Variants in KCNK17 observed in about 807,000 individuals in gnomAD.
The protein encoded by KCNK17 is potassium two pore domain channel subfamily K member 17, also known as potassium channel subfamily K member 17.
In KCNK17, 27 loss-of-function variants were observed where a neutral mutation model predicts 24.6. That is an observed-to-expected ratio of 1.10 (90% CI 0.81 to 1.51). The LOEUF (loss-of-function observed/expected upper bound fraction) is 1.51, where lower values mean the gene tolerates loss of function less well. Among genes scored for constraint, KCNK17 ranks in the 40% most tolerant of loss-of-function variants. KCNK17 has a pLI of 0.00. For missense variants in KCNK17, 450 were observed against 436.6 expected (o/e 1.03, Z -0.27); for synonymous variants, 181 against 189.8 (o/e 0.95, Z 0.38).
chr6:39,314,352 C>G lies in KCNK17; in HGVS notation c.-32G>C. ...AGAGGCGGGGAGCCGGCGCCGGGAG[C>G]GGTGGACTAGGACCCGGTGGGAGGG... On this transcript the variant is annotated 5_prime_UTR_variant, in exon 1 of 5. Transcript: ENST00000373231. 1.5e-6 allele frequency: 2 copies of G among 1,362,792 alleles called. No individual in the cohort carries two copies. The highest frequency in any genetic ancestry group is 1.9e-6 in the Non-Finnish European group (2 of 1,052,512). 84.4% of individuals were successfully genotyped at this position (1,362,792 alleles called of 1,614,324 possible).
At chr6:39,300,501 C>A in intron 4 of KCNK17, 1 of 1,551,234 alleles carries the variant, frequency 6.4e-7, no homozygotes, top group Non-Finnish European at 8.7e-7. Context: ...TTGGTTTTCT[C>A]GTATCTGAAA....
chr6:39,311,072 GCACACACACACACACACACA>G (rs59086835), intron 1 of KCNK17, 65 bp from the exon 2 acceptor site: 8,941 of 517,646 alleles, frequency 0.017, 63 homozygotes, highest in Middle Eastern at 0.044. Context: ...ACCCCAAGAT[GCACACACACACACACACACA>G]CACACACACA....
At chr6:39,312,383 G>C (rs1425965454) in intron 1 of KCNK17, among the ~76,000 whole-genome samples, 3 of 152,116 alleles carry the variant, frequency 2.0e-5, no homozygotes, top group African/African-American at 7.2e-5. Flanking sequence ...GTGAGGTGGG[G>C]GTGGAGGGAG....
At position 39,304,121 on chromosome 6, in the gene KCNK17, T is replaced by A. The variant is rs139594353; in HGVS notation, c.524A>T (p.Lys175Met). The A allele has an allele frequency of 3.3e-5, 53 of 1,608,282 alleles. No homozygotes were observed. In the African/African-American group the frequency reaches 5.7e-4, roughly 17 times the overall value. ...GCCAGAGCCCGCCAGCCACCGCGCC[T>A]TGTCAGGATCCTGTGGGTGCAACAT... ...RLGGTWQDPD[K>M]ARWLAGSGAL... Residue 175 changes from lysine (K) to methionine (M), a missense_variant, in exon 4 of 5, where the codon AAG becomes ATG. Lys to Met is a moderately conservative substitution (Grantham distance 95, BLOSUM62 -1). Coordinates refer to ENST00000373231, the MANE Select transcript of KCNK17 (RefSeq NM_031460.4).
At chr6:39,308,783 C>T (rs1762079484) in intron 2 of KCNK17, among the ~76,000 whole-genome samples, 1 of 152,194 alleles carries the variant, frequency 6.6e-6, no homozygotes. Context: ...GAAGAGGCTG[C>T]CCTCTGCTGA....
chr6:39,304,270 C>A, intron 3 of KCNK17, 139 bp from the exon 4 acceptor site: 1 of 899,936 alleles, frequency 1.1e-6, no homozygotes, highest in Non-Finnish European at 1.7e-6. Flanking sequence ...GGTTCCCTGC[C>A]TGGAGCCTGT....
At chr6:39,304,400 T>C in intron 3 of KCNK17, 95 bp downstream of exon 3, 1 of 1,157,684 alleles carries the variant, frequency 8.6e-7, no homozygotes. Context: ...CCAGTAACAC[T>C]TGCTCCCACC....
chr6:39,301,406 T>C (rs1247278460), intron 4 of KCNK17, among the ~76,000 whole-genome samples: 1 of 152,166 alleles, frequency 6.6e-6, no homozygotes, highest in Non-Finnish European at 1.5e-5. Context: ...TGGGCCCCTC[T>C]CTAGGACCCC....
At chr6:39,302,594 A>G (rs1343345359) in intron 4 of KCNK17, among the ~76,000 whole-genome samples, 1 of 152,178 alleles carries the variant, frequency 6.6e-6, no homozygotes. Context: ...CTGTGCAGCT[A>G]TATGCAACAA....
rs1172212340 is a variant in KCNK17 at position 39,304,266 on chromosome 6, CT to C, written c.514-136del. 3.9e-5 allele frequency: 35 copies of C among 901,230 alleles called. No homozygotes were observed. The Admixed American group carries it at 8.7e-4, about 22-fold the overall frequency. The allele number at this position is 901,230 out of a possible 1,614,324, so 55.8% of individuals were successfully genotyped here. A position where few individuals can be genotyped will look rare whatever the true frequency, so the allele number is the denominator to read the frequency against. On this transcript the variant is annotated intron_variant, in intron 3 of 4. Transcript: ENST00000373231. ...ACCTGGTCTGTGTTCTCCAGGTTCC[CT>C]GCCTGGAGCCTGTGCCTCATGTCCT...
chr6:39,299,191 C>T lies in KCNK17; in HGVS notation c.*236G>A. 1.9e-6 allele frequency: 1 copy of T among 517,778 alleles called. No homozygotes were observed. The highest frequency in any genetic ancestry group is 2.5e-5 in the South Asian group (1 of 39,294). The allele number at this position is 517,778 out of a possible 1,614,324, so 32.1% of individuals were successfully genotyped here. The stretch of plus-strand genomic sequence containing the variant: ...CCCAGCCATCATATCGGCGGCATTG[C>T]AGCCCGCTAAAGTAAGGAAGTGGGG... On this transcript the variant is annotated 3_prime_UTR_variant, in exon 5 of 5. Coordinates refer to ENST00000373231, the MANE Select transcript of KCNK17 (RefSeq NM_031460.4).
At chr6:39,306,833 C>A (rs1456601046) in intron 2 of KCNK17, among the ~76,000 whole-genome samples, 1 of 149,744 alleles carries the variant, frequency 6.7e-6, no homozygotes, top group East Asian at 2.0e-4. Context: ...GGCGCGATCT[C>A]GGCTCATTGC....
chr6:39,304,244 T>C, intron 3 of KCNK17, 113 bp from the exon 4 acceptor site: 2 of 1,055,788 alleles, frequency 1.9e-6, no homozygotes, highest in Non-Finnish European at 2.7e-6. Context: ...GCTCTTCACC[T>C]GGTCTGTGTT....
At chr6:39,299,860 A>G (rs994484562) in intron 4 of KCNK17, 123 bp from the exon 5 acceptor site, 16 of 997,376 alleles carry the variant, frequency 1.6e-5, no homozygotes, top group Non-Finnish European at 2.1e-5. Flanking sequence ...GGGACAGAAC[A>G]TGGAGACTCC....
intron 1 of KCNK17, among the ~76,000 whole-genome samples, chr6:39,313,158 C>T (rs1319830959): frequency 2.0e-5 from 3 of 152,220 alleles, no homozygotes; most frequent in Non-Finnish European, 4.4e-5. Context: ...ATCAATGCCT[C>T]CGCCAAATCG....
At chr6:39,305,414 C>A (rs916759110) in intron 2 of KCNK17, among the ~76,000 whole-genome samples, 1 of 152,126 alleles carries the variant, frequency 6.6e-6, no homozygotes, top group Non-Finnish European at 1.5e-5. Flanking sequence ...CAAACTAGCA[C>A]AACGGGGCTC....
At chr6:39,313,052 C>A (rs998588371) in intron 1 of KCNK17, among the ~76,000 whole-genome samples, 3 of 152,196 alleles carry the variant, frequency 2.0e-5, no homozygotes. Flanking sequence ...GGATAAGCCA[C>A]CAGGACTGCA....
chr6:39,308,865 C>A (rs1201584180), intron 2 of KCNK17, among the ~76,000 whole-genome samples: 1 of 152,228 alleles, frequency 6.6e-6, no homozygotes, highest in Non-Finnish European at 1.5e-5. Flanking sequence ...CTCTCCTTCT[C>A]TCTCCAAATA....
chr6:39,311,778 A>G (rs1190688097), intron 1 of KCNK17, among the ~76,000 whole-genome samples: 4 of 152,174 alleles, frequency 2.6e-5, no homozygotes, highest in African/African-American at 9.7e-5. Flanking sequence ...AGGGTCAGGT[A>G]GGATTGCTTC....
Sources: gnomAD v4.1 joint callset for allele counts (sites outside exome capture counted in the v4.1 genomes callset) on GRCh38, gnomAD v4.1.1 for gene constraint, MANE v1.5 for transcripts, NCBI Gene and HGNC (gene_info 2026-07-23, HGNC 2026-07-21) for gene names.